The following NFKBID variants were observed in gnomAD, a reference collection of about 807,000 sequenced individuals.
The protein encoded by NFKBID is NFKB inhibitor delta.
Under a neutral mutation model 53.4 loss-of-function variants are expected in NFKBID, and 26 were observed. The ratio of observed to expected loss-of-function variants is 0.49; its 90% CI spans 0.36 to 0.68. The LOEUF is 0.68. Among genes scored for constraint, NFKBID ranks in the 30% least tolerant of loss-of-function variants. The probability of loss-of-function intolerance (pLI) is 0.00; values close to 1 mark genes in which losing one functional copy is unlikely to be tolerated. For missense variants in NFKBID, 493 were observed against 614.1 expected (o/e 0.80, Z 2.08); for synonymous variants, 262 against 259.8 (o/e 1.01, Z -0.08).
At chr19:35,898,568 T>C in intron 2 of NFKBID, 36 bp from the exon 3 acceptor site, 1 of 1,492,472 alleles carries the variant, frequency 6.7e-7, no homozygotes, top group Non-Finnish European at 9.0e-7. Flanking sequence ...CCCAGGTGAC[T>C]TTATCTGGCA....
intron 3 of NFKBID, 40 bp from the exon 4 acceptor site, chr19:35,897,896 A>G: frequency 7.1e-7 from 1 of 1,403,362 alleles, no homozygotes; most frequent in Non-Finnish European, 9.7e-7. Context: ...TCTGGTTACC[A>G]GAGTTGGGGA....
exon 11 of NFKBID, chr19:35,889,908 G>C (rs534268900): frequency 3.1e-6 from 5 of 1,609,554 alleles, no homozygotes; most frequent in Admixed American, 3.3e-5. Context: ...GGCCCGGCCC[G>C]GGCCGCAGCA....
chr19:35,900,419 C>T (rs1975497029), intron 1 of NFKBID, 23 bp downstream of exon 1: 1 of 1,230,548 alleles, frequency 8.1e-7, no homozygotes, highest in Non-Finnish European at 1.0e-6. Flanking sequence ...GGGGGCCGAA[C>T]GCGTCCTGCC....
chr19:35,890,676 C>T (rs762591613), intron 9 of NFKBID, 186 bp from the exon 10 acceptor site: 1 of 673,702 alleles, frequency 1.5e-6, no homozygotes, highest in South Asian at 1.5e-5. Flanking sequence ...CCAGCCTGGA[C>T]AACACAGCAA....
chr19:35,892,613 C>T (rs944574866), intron 9 of NFKBID, among the ~76,000 whole-genome samples: 3 of 151,950 alleles, frequency 2.0e-5, no homozygotes, highest in African/African-American at 7.3e-5. Flanking sequence ...TCTCCCAGAA[C>T]CCTACCACAC....
At chr19:35,895,984 C>T in exon 9 of NFKBID, 1 of 1,613,778 alleles carries the variant, frequency 6.2e-7, no homozygotes. Flanking sequence ...GCTCACCTGG[C>T]TGGTGTGATT....
chr19:35,893,577 T>C (rs1195669015), intron 9 of NFKBID, among the ~76,000 whole-genome samples: 2 of 152,108 alleles, frequency 1.3e-5, no homozygotes, highest in African/African-American at 4.8e-5. Context: ...TCCCAGCACT[T>C]TGGGAGGCCG....
intron 11 of NFKBID, 151 bp downstream of exon 11, chr19:35,889,739 C>G: frequency 1.3e-6 from 1 of 769,794 alleles, no homozygotes. Context: ...GGTCAGAGGT[C>G]ACATTATAGA....
At chr19:35,897,328 C>T (rs1975249214) in intron 4 of NFKBID, among the ~76,000 whole-genome samples, 2 of 152,018 alleles carry the variant, frequency 1.3e-5, no homozygotes, top group Non-Finnish European at 2.9e-5. Flanking sequence ...AATCTCTACT[C>T]ACTGCAATCT....
At chr19:35,888,187 G>A (rs540051108), downstream of NFKBID, 45 of 206,432 alleles carry the variant, frequency 2.2e-4, 1 homozygote, top group Middle Eastern at 4.0e-3. Context: ...AGATGGTATC[G>A]GGATGCCCCA....
chr19:35,895,320 CAA>C (rs74172772), intron 9 of NFKBID, among the ~76,000 whole-genome samples: 1,461 of 72,142 alleles, frequency 0.02, 21 homozygotes, highest in African/African-American at 0.051. Context: ...TACTAAAATA[CAA>C]AAAAAAAAAA....
rs759092664 is a variant in NFKBID at position 35,896,854 on chromosome 19, C to T, written c.579-23G>A. 5.0e-6 allele frequency: 8 copies of T among 1,613,866 alleles called. No individual in the cohort carries two copies. The highest frequency in any genetic ancestry group is 2.2e-5 in the East Asian group (1 of 44,894). ...AGCCTGAGGACAGGTGGGGGACAGC[C>T]GTGAGAACAGCCCCCACCAAGCCAA... is the stretch of plus-strand genomic sequence containing the variant. On this transcript the variant is annotated intron_variant, in intron 5 of 11. Transcript: ENST00000641389. This position sits in a 1 kb window ranked among gnomAD's most constrained non-coding sequence, Gnocchi z 5.7.
chr19:35,895,393 C>T (rs1975069157), intron 9 of NFKBID, among the ~76,000 whole-genome samples: 2 of 151,504 alleles, frequency 1.3e-5, no homozygotes, highest in African/African-American at 4.9e-5. Context: ...GAGGCTAAGA[C>T]AGGAGAATCA....
chr19:35,901,339 T>C (rs1249712158), upstream of NFKBID, among the ~76,000 whole-genome samples: 1 of 152,062 alleles, frequency 6.6e-6, no homozygotes, highest in African/African-American at 2.4e-5. Context: ...GCTCAATTTC[T>C]CCCTCTCCCC....
intron 9 of NFKBID, among the ~76,000 whole-genome samples, chr19:35,893,814 A>G (rs2146948739): frequency 6.8e-6 from 1 of 146,574 alleles, no homozygotes; most frequent in South Asian, 2.2e-4. Flanking sequence ...AGCGAGAGCC[A>G]TCTCAAAAAA....
At chr19:35,899,552 T>C (rs1599628931) in intron 1 of NFKBID, among the ~76,000 whole-genome samples, 2 of 89,320 alleles carry the variant, frequency 2.2e-5, no homozygotes, top group Non-Finnish European at 4.1e-5. Context: ...AGAGAGAGAC[T>C]CCATTAAAAA....
chr19:35,898,891 C>T, intron 1 of NFKBID, 69 bp from the exon 2 acceptor site: 1 of 1,279,950 alleles, frequency 7.8e-7, no homozygotes, highest in Non-Finnish European at 1.1e-6. Flanking sequence ...GGGGGTGGCG[C>T]GCGGGGAGTG....
upstream of NFKBID, chr19:35,902,288 T>G (rs534069369): frequency 4.2e-6 from 3 of 709,522 alleles, no homozygotes; most frequent in African/African-American, 5.2e-5. Context: ...CCACATTCAT[T>G]TAATCAGCAA....
At chr19:35,900,589 C>T (rs914016471) in exon 1 of NFKBID, 90 of 1,230,870 alleles carry the variant, frequency 7.3e-5, no homozygotes, top group Non-Finnish European at 8.6e-5. Flanking sequence ...GTTATGGCAC[C>T]GCCCAGTCCT....
Sources: allele counts gnomAD v4.1 joint callset (sites outside exome capture counted in the v4.1 genomes callset), GRCh38; gene constraint gnomAD v4.1.1; non-coding constraint Gnocchi (gnomAD v3.1); transcripts MANE v1.5; gene names NCBI Gene and HGNC (gene_info 2026-07-23, HGNC 2026-07-21).